JAKMIP3: variants seen among roughly 807,000 people sequenced by gnomAD.
JAKMIP3 encodes the protein janus kinase and microtubule-interacting protein 3.
In JAKMIP3, 58 loss-of-function variants were observed where a neutral mutation model predicts 118.5. The ratio of observed to expected loss-of-function variants is 0.49; its 90% CI spans 0.40 to 0.61. JAKMIP3 has a LOEUF of 0.61. JAKMIP3 is among the 20% of genes least tolerant of loss of function. JAKMIP3 has a pLI of 0.00. For synonymous variants in JAKMIP3, 486 were observed against 451.2 expected (o/e 1.08, Z -0.98); for missense variants, 950 against 1,109.0 (o/e 0.86, Z 2.04).
At chr10:132,159,724 A>G (rs74605935) in intron 19 of JAKMIP3, among the ~76,000 whole-genome samples, 257 of 34,784 alleles carry the variant, frequency 7.4e-3, no homozygotes, top group Admixed American at 0.011. Flanking sequence ...TGCTGGGGGC[A>G]TGTCTTCCTG....
chr10:132,133,495 G>A lies in JAKMIP3; in HGVS notation c.817G>A (p.Ala273Thr). 1.3e-6 allele frequency: 2 copies of A among 1,575,874 alleles called. No homozygotes were observed. Among genetic ancestry groups the A allele is most frequent in the Non-Finnish European group, 1.7e-6 (2 of 1,161,620 alleles). The change falls in exon 4 of 24, where the codon GCA (alanine) becomes ACA (threonine). Residue 273 changes from alanine (A) to threonine (T), a missense_variant. Physicochemically the swap from Ala to Thr is moderately conservative, Grantham distance 58. Transcript: ENST00000684848. The part of the protein sequence containing the change: ...PRRELPHAAG[A>T]GDASDHSGSP... ...ACGGGAACTTCCTCATGCAGCTGGTGCAGGAGACGCTTCAGACCACTCGGG... is the reference window on the plus strand; with the variant it reads ...ACGGGAACTTCCTCATGCAGCTGGTACAGGAGACGCTTCAGACCACTCGGG...
At chr10:132,084,204 T>C (rs2042114790) in intron 1 of JAKMIP3, among the ~76,000 whole-genome samples, 1 of 152,212 alleles carries the variant, frequency 6.6e-6, no homozygotes, top group Admixed American at 6.5e-5. Flanking sequence ...GTGTTATCTA[T>C]GATTTCTTTC....
intron 1 of JAKMIP3, among the ~76,000 whole-genome samples, chr10:132,100,173 C>T (rs945345820): frequency 3.3e-5 from 5 of 152,010 alleles, no homozygotes; most frequent in African/African-American, 1.2e-4. Flanking sequence ...GGCCCCCACA[C>T]GGACCCCCCG....
chr10:132,075,052 C>T (rs543093963), intron 1 of JAKMIP3, among the ~76,000 whole-genome samples: 1 of 152,214 alleles, frequency 6.6e-6, no homozygotes, highest in Non-Finnish European at 1.5e-5. Context: ...TATTTTATAC[C>T]AGCACCATGC....
chr10:132,046,387 C>T (rs928194415), intron 1 of JAKMIP3, among the ~76,000 whole-genome samples: 2 of 151,340 alleles, frequency 1.3e-5, no homozygotes, highest in African/African-American at 2.4e-5. Context: ...ACTTGGGAGG[C>T]GGAGCTTGCA....
At chr10:132,141,307 G>A (rs2053463134) in intron 10 of JAKMIP3, among the ~76,000 whole-genome samples, 1 of 152,174 alleles carries the variant, frequency 6.6e-6, no homozygotes, top group Non-Finnish European at 1.5e-5. Context: ...CAAGGCTTCT[G>A]GGCTCAGTCA....
intron 5 of JAKMIP3, 65 bp downstream of exon 5, chr10:132,135,225 G>C: frequency 6.7e-7 from 1 of 1,494,500 alleles, no homozygotes. Context: ...GACCTGGGGG[G>C]CATCCACTTT....
At chr10:132,080,417 T>C (rs967558907) in intron 1 of JAKMIP3, among the ~76,000 whole-genome samples, 1 of 152,092 alleles carries the variant, frequency 6.6e-6, no homozygotes, top group Non-Finnish European at 1.5e-5. Flanking sequence ...ATTGGCCATT[T>C]GTATATCTTC....
intron 23 of JAKMIP3, among the ~76,000 whole-genome samples, chr10:132,172,847 T>G (rs866496115): frequency 2.0e-5 from 3 of 151,700 alleles, no homozygotes; most frequent in Middle Eastern, 6.8e-3. Context: ...GCTACTGGGG[T>G]GACAGTATTT....
intron 1 of JAKMIP3, among the ~76,000 whole-genome samples, chr10:132,050,623 A>G (rs2038070126): frequency 6.7e-6 from 1 of 149,290 alleles, no homozygotes; most frequent in South Asian, 2.1e-4. Context: ...TACATAATTT[A>G]GGAAGGAGAT....
At position 132,089,885 on chromosome 10, in the gene JAKMIP3, C is replaced by A. The variant is rs112925616; in HGVS notation, c.-137-14787C>A. ...CTTATTATTTTGAGATATGTCCCAT[C>A]AATAATTAATTTATTGAGAGTTTTT... On this transcript the variant is annotated intron_variant, in intron 1 of 23. Coordinates refer to ENST00000684848, the MANE Select transcript of JAKMIP3 (RefSeq NM_001323087.2). Among the ~76,000 whole-genome samples, 632 of 152,248 alleles carry A rather than the reference C, an allele frequency of 4.2e-3. 3 individuals carry two copies. The highest frequency in any genetic ancestry group is 0.015 in the African/African-American group (604 of 41,540).
intron 1 of JAKMIP3, among the ~76,000 whole-genome samples, chr10:132,070,888 G>A (rs191247206): frequency 2.2e-4 from 34 of 152,260 alleles, no homozygotes; most frequent in African/African-American, 8.2e-4. Flanking sequence ...TCCCATCCAT[G>A]CAGAAGGATC....
At chr10:132,036,572 G>T (rs1211594854), upstream of JAKMIP3, among the ~76,000 whole-genome samples, 1 of 151,596 alleles carries the variant, frequency 6.6e-6, no homozygotes, top group Non-Finnish European at 1.5e-5. Flanking sequence ...GGCCGTCGCC[G>T]AGCAAGGAGC....
intron 10 of JAKMIP3, 49 bp downstream of exon 10, chr10:132,140,628 G>A (rs774812498): frequency 4.1e-6 from 5 of 1,229,140 alleles, no homozygotes; most frequent in Non-Finnish European, 4.2e-6. Context: ...GGTAACGAGG[G>A]TCTCCTGCCG....
chr10:132,122,551 C>T (rs1011295178), intron 3 of JAKMIP3, among the ~76,000 whole-genome samples: 1 of 152,226 alleles, frequency 6.6e-6, no homozygotes, highest in Non-Finnish European at 1.5e-5. Context: ...GCTCTCAGAG[C>T]ATGGAGGCTT....
At chr10:132,062,280 C>G (rs73395741), upstream of JAKMIP3, among the ~76,000 whole-genome samples, 6 of 152,264 alleles carry the variant, frequency 3.9e-5, no homozygotes, top group African/African-American at 1.4e-4. Flanking sequence ...TCATCCTGGT[C>G]GCTGCTTTGG....
upstream of JAKMIP3, among the ~76,000 whole-genome samples, chr10:132,060,529 C>G (rs2038361952): frequency 6.6e-6 from 1 of 152,138 alleles, no homozygotes; most frequent in Admixed American, 6.5e-5. Flanking sequence ...CTGCAATGAC[C>G]CTGGTGCGTG....
intron 23 of JAKMIP3, among the ~76,000 whole-genome samples, chr10:132,178,368 A>G (rs2060384773): frequency 6.6e-6 from 1 of 152,226 alleles, no homozygotes; most frequent in Non-Finnish European, 1.5e-5. Context: ...AGGAAGAGGG[A>G]GGAGGAGGCA....
chr10:132,036,487 C>T (rs1259906329), upstream of JAKMIP3, among the ~76,000 whole-genome samples: 3 of 152,118 alleles, frequency 2.0e-5, no homozygotes, highest in Non-Finnish European at 4.4e-5. Flanking sequence ...TTTTCAGCCA[C>T]GCCGAGCCCT....
Sources: allele counts gnomAD v4.1 joint callset (sites outside exome capture counted in the v4.1 genomes callset), GRCh38; gene constraint gnomAD v4.1.1; transcripts MANE v1.5; gene names NCBI Gene and HGNC (gene_info 2026-07-23, HGNC 2026-07-21).